Variants in LMO1 observed in about 807,000 individuals in gnomAD.
LMO1 encodes the protein LIM domain only 1, also known as rhombotin-1.
LMO1 carries 10 observed loss-of-function variants against 18.0 expected under a neutral mutation model. That is an observed-to-expected ratio of 0.55 (90% CI 0.34 to 0.94). The LOEUF is 0.94. Ranked by LOEUF, LMO1 falls within the 40% of genes least tolerant of loss-of-function variation. The pLI is 0.02. For synonymous variants in LMO1, 77 were observed against 77.9 expected (o/e 0.99, Z 0.06); for missense variants, 183 against 205.7 (o/e 0.89, Z 0.68).
chr11:8,251,985 G>GT (rs1847008471), intron 1 of LMO1, among the ~76,000 whole-genome samples: 1 of 111,676 alleles, frequency 9.0e-6, no homozygotes, highest in African/African-American at 2.9e-5. Flanking sequence ...TGCGTGTGTG[G>GT]GGGTGTGCGT....
chr11:8,239,456 G>A (rs1473065452), intron 1 of LMO1, among the ~76,000 whole-genome samples: 1 of 152,228 alleles, frequency 6.6e-6, no homozygotes, highest in Non-Finnish European at 1.5e-5. Flanking sequence ...CACAGGGCTG[G>A]GAAGGGAGCA....
chr11:8,262,703 G>T (rs889176663), intron 1 of LMO1, among the ~76,000 whole-genome samples: 2 of 152,214 alleles, frequency 1.3e-5, no homozygotes, highest in Non-Finnish European at 2.9e-5. Context: ...CCGCCTCCGC[G>T]CTCAGAGAGA....
intron 2 of LMO1, among the ~76,000 whole-genome samples, chr11:8,227,631 A>G (rs1952571689): frequency 6.6e-6 from 1 of 152,266 alleles, no homozygotes; most frequent in African/African-American, 2.4e-5. Context: ...TGTGTCAGCC[A>G]CTAATCTAAG....
rs1952501335 is a variant in LMO1, at chr11:8,224,649, C to T, written c.438G>A (p.Gln146=). 1.2e-6 allele frequency: 2 copies of T among 1,609,882 alleles called. No homozygotes were observed. The highest frequency in any genetic ancestry group is 1.7e-6 in the Non-Finnish European group (2 of 1,177,902). The change falls in exon 4 of 4, where the codon CAG becomes CAA. Residue 146 remains glutamine (Q), a synonymous_variant. Coordinates refer to ENST00000335790, the MANE Select transcript of LMO1 (RefSeq NM_002315.3). ...CTTGGGATTCAAAGGTGCCATTGAG[C>T]TGCCCTTCCTCATAGTCCATCTGAC... ...ILCQMDYEEG[Q]LNGTFESQVQ is the part of the protein sequence containing the mutation.
intron 1 of LMO1, among the ~76,000 whole-genome samples, chr11:8,257,043 T>A (rs1032811806): frequency 4.6e-5 from 7 of 152,188 alleles, no homozygotes; most frequent in African/African-American, 1.4e-4. Context: ...ACCAAGTCTT[T>A]GGGAAAATGC....
At chr11:8,234,397 T>G (rs1012648879) in intron 1 of LMO1, among the ~76,000 whole-genome samples, 3 of 151,696 alleles carry the variant, frequency 2.0e-5, no homozygotes, top group African/African-American at 7.3e-5. Flanking sequence ...CCCAGAGCAG[T>G]CCACTAGGCC....
intron 1 of LMO1, among the ~76,000 whole-genome samples, chr11:8,255,564 G>C (rs1434939543): frequency 6.6e-6 from 1 of 152,050 alleles, no homozygotes; most frequent in East Asian, 1.9e-4. Flanking sequence ...AGAACAAGTC[G>C]GACAAGCCTT....
chr11:8,253,187 C>T (rs575307972), intron 1 of LMO1, among the ~76,000 whole-genome samples: 6 of 152,328 alleles, frequency 3.9e-5, no homozygotes, highest in African/African-American at 1.2e-4. Context: ...AGCTGCCTCA[C>T]GTCCTCAAGG....
intron 2 of LMO1, among the ~76,000 whole-genome samples, chr11:8,227,977 A>G (rs961047643): frequency 3.3e-5 from 5 of 152,182 alleles, no homozygotes; most frequent in South Asian, 2.1e-4. Context: ...CCAAAATTAA[A>G]GTGTTTTATT....
upstream of LMO1, chr11:8,268,319 G>A (rs917568908): frequency 1.8e-5 from 17 of 966,556 alleles, no homozygotes; most frequent in Non-Finnish European, 2.4e-5. Context: ...CGCGGGTGCT[G>A]AGGGCTCTGC....
chr11:8,246,841 G>T (rs546519797), intron 1 of LMO1, among the ~76,000 whole-genome samples: 1 of 151,902 alleles, frequency 6.6e-6, no homozygotes, highest in Admixed American at 6.6e-5. Flanking sequence ...CAGGTGGGGG[G>T]ACCTGGGAGG....
intron 2 of LMO1, 72 bp from the exon 3 acceptor site, chr11:8,227,172 C>T: frequency 6.4e-7 from 1 of 1,562,536 alleles, no homozygotes; most frequent in East Asian, 2.3e-5. Context: ...AAGGAGTTGC[C>T]TCCATCCAGG....
intron 1 of LMO1, among the ~76,000 whole-genome samples, chr11:8,234,468 G>T (rs1306359464): frequency 6.6e-6 from 1 of 152,098 alleles, no homozygotes; most frequent in Admixed American, 6.5e-5. Flanking sequence ...CTCAGCTCCA[G>T]CACGTGGACT....
At chr11:8,225,404 C>CAAAAAAA (rs34847129) in intron 3 of LMO1, among the ~76,000 whole-genome samples, 3 of 34,720 alleles carry the variant, frequency 8.6e-5, no homozygotes, top group African/African-American at 7.7e-5. Flanking sequence ...GACTCCATCT[C>CAAAAAAA]AAAAAAAAAA....
intron 1 of LMO1, among the ~76,000 whole-genome samples, chr11:8,243,577 C>G (rs1846835758): frequency 6.6e-6 from 1 of 152,214 alleles, no homozygotes; most frequent in Non-Finnish European, 1.5e-5. Context: ...GCTGGGCAAG[C>G]TGGTATGGCC....
At chr11:8,263,302 G>A in intron 1 of LMO1, 36 bp downstream of exon 1, 1 of 1,586,258 alleles carries the variant, frequency 6.3e-7, no homozygotes, top group Non-Finnish European at 8.5e-7. Flanking sequence ...GGGGGCGAGG[G>A]GGTGAGGGGC....
chr11:8,229,170 A>C (rs972690485), intron 2 of LMO1, among the ~76,000 whole-genome samples: 2 of 152,036 alleles, frequency 1.3e-5, no homozygotes, highest in Non-Finnish European at 2.9e-5. Context: ...TTACAGGCAT[A>C]AGCCACCGCG....
chr11:8,246,636 C>T (rs1337820276), intron 1 of LMO1, among the ~76,000 whole-genome samples: 1 of 152,032 alleles, frequency 6.6e-6, no homozygotes, highest in Non-Finnish European at 1.5e-5. Context: ...GTGAATATAC[C>T]AAAAACCACT....
At chr11:8,232,931 C>T (rs1159758816) in intron 1 of LMO1, among the ~76,000 whole-genome samples, 1 of 152,190 alleles carries the variant, frequency 6.6e-6, no homozygotes, top group African/African-American at 2.4e-5. Context: ...GTCCTGGCTC[C>T]CGCAGGGTTG....
Sources: gnomAD v4.1 joint callset for allele counts (sites outside exome capture counted in the v4.1 genomes callset) on GRCh38, gnomAD v4.1.1 for gene constraint, MANE v1.5 for transcripts, NCBI Gene and HGNC (gene_info 2026-07-23, HGNC 2026-07-21) for gene names.